Variants in SLC9A9 observed in about 807,000 individuals in gnomAD.
SLC9A9 encodes the protein sodium/hydrogen exchanger 9.
A neutral mutation model predicts 77.8 loss-of-function variants in SLC9A9; 62 were observed. The ratio of observed to expected loss-of-function variants is 0.80; its 90% CI spans 0.65 to 0.98. SLC9A9 has a LOEUF of 0.98. SLC9A9 is among the 50% of genes least tolerant of loss of function. The probability of loss-of-function intolerance (pLI) is 0.00; values close to 1 mark genes in which losing one functional copy is unlikely to be tolerated. For synonymous variants in SLC9A9, 320 were observed against 283.5 expected (o/e 1.13, Z -1.29); for missense variants, 775 against 774.9 (o/e 1.00, Z 0.00).
At chr3:143,330,396 G>A (rs1209539444) in intron 14 of SLC9A9, among the ~76,000 whole-genome samples, 3 of 152,164 alleles carry the variant, frequency 2.0e-5, no homozygotes, top group Admixed American at 6.5e-5. Flanking sequence ...CTAAGGAAAT[G>A]TTCCCAGCAG....
chr3:143,823,101 G>C (rs4839669), intron 2 of SLC9A9, among the ~76,000 whole-genome samples: 86,601 of 151,974 alleles, frequency 0.57, 26,927 homozygotes, highest in Non-Finnish European at 0.69. Context: ...TAGATACCTG[G>C]TTACATCATC....
chr3:143,453,974 A>C (rs1559923816), intron 12 of SLC9A9, among the ~76,000 whole-genome samples: 1 of 152,124 alleles, frequency 6.6e-6, no homozygotes. Flanking sequence ...CTGTCATGTG[A>C]GGACATAGTG....
intron 6 of SLC9A9, among the ~76,000 whole-genome samples, chr3:143,625,033 A>G (rs757317910): frequency 1.3e-4 from 20 of 152,220 alleles, no homozygotes; most frequent in Non-Finnish European, 2.8e-4. Flanking sequence ...AAGAGAATAA[A>G]ATATGTAGGA....
At chr3:143,511,989 TAA>T (rs1322283062) in intron 9 of SLC9A9, among the ~76,000 whole-genome samples, 2 of 152,168 alleles carry the variant, frequency 1.3e-5, no homozygotes, top group African/African-American at 2.4e-5. Flanking sequence ...AAAAAAAGGG[TAA>T]AGTCACAAAA....
At chr3:143,807,048 G>A (rs558750090) in intron 2 of SLC9A9, among the ~76,000 whole-genome samples, 2 of 152,158 alleles carry the variant, frequency 1.3e-5, no homozygotes, top group Non-Finnish European at 1.5e-5. Context: ...AGTGAAATTA[G>A]AGCTGAGATC....
intron 8 of SLC9A9, among the ~76,000 whole-genome samples, chr3:143,554,336 C>T (rs138241575): frequency 0.01 from 1,546 of 152,286 alleles, 9 homozygotes; most frequent in Admixed American, 0.016. Flanking sequence ...GCAGCCTCTC[C>T]CACTGCCTTC....
chr3:143,759,807 G>C (rs992391657), intron 4 of SLC9A9, among the ~76,000 whole-genome samples: 1 of 151,778 alleles, frequency 6.6e-6, no homozygotes, highest in Non-Finnish European at 1.5e-5. Context: ...CTGTTATCTT[G>C]CAGTTGAGGG....
chr3:143,578,816 C>G, intron 6 of SLC9A9, 93 bp from the exon 7 acceptor site: 2 of 1,472,352 alleles, frequency 1.4e-6, no homozygotes, highest in Non-Finnish European at 1.9e-6. Context: ...GTATCTTTCC[C>G]TGTAATGTTG....
At chr3:143,476,531 G>A (rs573737067) in intron 11 of SLC9A9, among the ~76,000 whole-genome samples, 1 of 152,276 alleles carries the variant, frequency 6.6e-6, no homozygotes, top group East Asian at 1.9e-4. Flanking sequence ...GTTTTTACGT[G>A]GGTAAGATGG....
chr3:143,797,074 TACAGTATA>T (rs1472065260), intron 2 of SLC9A9, among the ~76,000 whole-genome samples, 171 bp from the exon 3 acceptor site: 2 of 151,826 alleles, frequency 1.3e-5, no homozygotes, highest in Admixed American at 1.3e-4. Flanking sequence ...AATTCATAAA[TACAGTATA>T]ACTGTAGCTT....
intron 2 of SLC9A9, chr3:143,811,890 G>A (rs1339907947): frequency 3.1e-5 from 10 of 326,310 alleles, no homozygotes; most frequent in South Asian, 7.0e-5. Context: ...AAAAAGAAAA[G>A]AAAAACAAGA....
intron 6 of SLC9A9, 134 bp from the exon 7 acceptor site, chr3:143,578,857 GA>G: frequency 9.8e-7 from 1 of 1,021,404 alleles, no homozygotes; most frequent in Non-Finnish European, 1.5e-6. Context: ...GGGGAAAACA[GA>G]TACAGAAGGG....
intron 3 of SLC9A9, 48 bp from the exon 4 acceptor site, chr3:143,795,125 T>C: frequency 6.5e-7 from 1 of 1,545,652 alleles, no homozygotes; most frequent in Non-Finnish European, 8.9e-7. Context: ...AATTTTTTCT[T>C]AGTGCAAAAG....
chr3:143,401,997 G>A (rs2033872323), intron 12 of SLC9A9, among the ~76,000 whole-genome samples: 1 of 152,104 alleles, frequency 6.6e-6, no homozygotes, highest in South Asian at 2.1e-4. Flanking sequence ...AGATTCTACT[G>A]GCCTTCCTGA....
At chr3:143,687,994 C>A (rs1576660153) in intron 5 of SLC9A9, among the ~76,000 whole-genome samples, 1 of 151,536 alleles carries the variant, frequency 6.6e-6, no homozygotes, top group Non-Finnish European at 1.5e-5. Flanking sequence ...CTCTTCCTTC[C>A]CTCCTCCCTC....
At chr3:143,504,324 T>C (rs2035974739) in intron 9 of SLC9A9, 1 of 186,316 alleles carries the variant, frequency 5.4e-6, no homozygotes, top group Non-Finnish European at 1.1e-5. Context: ...GGCTGTCTAT[T>C]GAATGGGAGG....
intron 5 of SLC9A9, among the ~76,000 whole-genome samples, chr3:143,682,765 T>C (rs2108774641): frequency 6.6e-6 from 1 of 152,280 alleles, no homozygotes; most frequent in Admixed American, 6.5e-5. Context: ...CTTAGCCCCC[T>C]TCCTCCATCT....
intron 14 of SLC9A9, among the ~76,000 whole-genome samples, chr3:143,308,288 G>A (rs573522277): frequency 8.5e-5 from 13 of 152,098 alleles, no homozygotes; most frequent in Non-Finnish European, 1.6e-4. Flanking sequence ...TAAAAATTAA[G>A]GATTTCAGCC....
chr3:143,448,968 A>T (rs1255516321), intron 12 of SLC9A9, among the ~76,000 whole-genome samples: 2 of 18,446 alleles, frequency 1.1e-4, no homozygotes, highest in Non-Finnish European at 1.4e-4. Flanking sequence ...AATTATATAA[A>T]TATAATTATA....
Sources: allele counts gnomAD v4.1 joint callset (sites outside exome capture counted in the v4.1 genomes callset), GRCh38; gene constraint gnomAD v4.1.1; transcripts MANE v1.5; gene names NCBI Gene and HGNC (gene_info 2026-07-23, HGNC 2026-07-21).